Variants in ITFG1 observed in about 807,000 individuals in gnomAD.
ITFG1 encodes the protein T-cell immunomodulatory protein.
In ITFG1, 34 loss-of-function variants were observed where a neutral mutation model predicts 81.8. That is an observed-to-expected ratio of 0.42 (90% CI 0.32 to 0.55). ITFG1 has a LOEUF of 0.55. ITFG1 is among the 20% of genes least tolerant of loss of function. The pLI is 0.17. For synonymous variants in ITFG1, 285 were observed against 270.6 expected, an observed-to-expected ratio of 1.05 and a Z score of -0.52; for missense variants, 672 against 755.4, an observed-to-expected ratio of 0.89 and a Z score of 1.29.
chr16:47,406,568 T>C (rs977054330), intron 6 of ITFG1, among the ~76,000 whole-genome samples: 2 of 152,234 alleles, frequency 1.3e-5, no homozygotes, highest in African/African-American at 2.4e-5. Flanking sequence ...AACAGGTATC[T>C]GTCAAGTCCC....
intron 10 of ITFG1, among the ~76,000 whole-genome samples, chr16:47,261,707 C>G (rs953367838): frequency 1.3e-5 from 2 of 152,186 alleles, no homozygotes; most frequent in African/African-American, 4.8e-5. Context: ...CAGTCTCACT[C>G]TGTCACCCAG....
At chr16:47,337,445 C>T (rs1304808112) in intron 8 of ITFG1, among the ~76,000 whole-genome samples, 1 of 151,746 alleles carries the variant, frequency 6.6e-6, no homozygotes, top group Non-Finnish European at 1.5e-5. Context: ...TGGTGGGAAC[C>T]TATAATCCCA....
chr16:47,214,063 T>C (rs2151525193), intron 14 of ITFG1, among the ~76,000 whole-genome samples: 1 of 152,234 alleles, frequency 6.6e-6, no homozygotes, highest in Non-Finnish European at 1.5e-5. Context: ...GGGATATGAG[T>C]CTGCCTCCAG....
intron 5 of ITFG1, 107 bp from the exon 6 acceptor site, chr16:47,429,005 G>C: frequency 4.5e-6 from 3 of 672,266 alleles, no homozygotes; most frequent in Admixed American, 2.9e-5. Flanking sequence ...TATTTTCATT[G>C]ATATATTCAA....
chr16:47,369,573 T>C (rs981439580), intron 7 of ITFG1, among the ~76,000 whole-genome samples: 7 of 152,218 alleles, frequency 4.6e-5, no homozygotes, highest in Non-Finnish European at 1.0e-4. Flanking sequence ...ATGGTCTGAC[T>C]CTCTCTTTTA....
At chr16:47,380,185 AG>A (rs1968378707) in intron 6 of ITFG1, among the ~76,000 whole-genome samples, 1 of 152,160 alleles carries the variant, frequency 6.6e-6, no homozygotes, top group African/African-American at 2.4e-5. Context: ...TGCTAAGGTT[AG>A]ATCCCTAGGT....
At chr16:47,293,960 C>A (rs1237654340) in intron 10 of ITFG1, among the ~76,000 whole-genome samples, 7 of 151,984 alleles carry the variant, frequency 4.6e-5, no homozygotes, top group African/African-American at 9.7e-5. Context: ...GAAGAGTTTT[C>A]TTTCCAGGAT....
intron 8 of ITFG1, among the ~76,000 whole-genome samples, chr16:47,355,685 C>G (rs1968030343): frequency 6.6e-6 from 1 of 152,010 alleles, no homozygotes; most frequent in Non-Finnish European, 1.5e-5. Context: ...TTACAAAAAC[C>G]TACAAAAAAT....
intron 6 of ITFG1, among the ~76,000 whole-genome samples, chr16:47,409,201 T>C (rs1968767693): frequency 6.7e-6 from 1 of 149,600 alleles, no homozygotes; most frequent in Non-Finnish European, 1.5e-5. Context: ...AGTTTTTGAG[T>C]CTCTCGAGAG....
At chr16:47,370,062 A>C (rs1374957623) in intron 7 of ITFG1, among the ~76,000 whole-genome samples, 1 of 151,734 alleles carries the variant, frequency 6.6e-6, no homozygotes, top group Non-Finnish European at 1.5e-5. Context: ...GGATGGTCTT[A>C]ATCTCCTGAC....
intron 14 of ITFG1, among the ~76,000 whole-genome samples, chr16:47,212,514 C>T (rs1451226632): frequency 1.3e-5 from 2 of 152,222 alleles, no homozygotes; most frequent in East Asian, 1.9e-4. Flanking sequence ...ATCCATCGCA[C>T]TCTACCAGTT....
chr16:47,205,459 C>A (rs1474953899), intron 14 of ITFG1, among the ~76,000 whole-genome samples: 2 of 152,176 alleles, frequency 1.3e-5, no homozygotes, highest in Non-Finnish European at 2.9e-5. Flanking sequence ...CAGTGTATTT[C>A]TGAATCGGGA....
chr16:47,171,643 G>GT (rs1006831216), intron 14 of ITFG1, among the ~76,000 whole-genome samples: 17 of 150,490 alleles, frequency 1.1e-4, no homozygotes, highest in African/African-American at 1.7e-4. Context: ...TGAGATCGTT[G>GT]TTTTTTTTTA....
chr16:47,182,498 G>C (rs1029746249), intron 14 of ITFG1, among the ~76,000 whole-genome samples: 41 of 152,102 alleles, frequency 2.7e-4, no homozygotes, highest in Admixed American at 1.0e-3. Flanking sequence ...TGACCCCCTT[G>C]AGCCTTAGTT....
chr16:47,191,673 T>C (rs572041256), intron 14 of ITFG1, among the ~76,000 whole-genome samples: 2 of 152,150 alleles, frequency 1.3e-5, no homozygotes, highest in Non-Finnish European at 2.9e-5. Context: ...CATACCCAGC[T>C]AATTTTTTTG....
At chr16:47,435,280 A>G (rs1246902272) in intron 5 of ITFG1, among the ~76,000 whole-genome samples, 2 of 152,218 alleles carry the variant, frequency 1.3e-5, no homozygotes, top group African/African-American at 2.4e-5. Context: ...ACTCACATAA[A>G]GTATAATATT....
rs548145602 is a variant in ITFG1, at chr16:47,459,388, G to A, written c.209-213C>T. Among the ~76,000 whole-genome samples the A allele has an allele frequency of 8.5e-5, 13 of 152,292 alleles. No homozygotes were observed. The South Asian group carries it at 2.7e-3, about 32-fold the overall frequency. On this transcript the variant is annotated intron_variant, in intron 1 of 17. Coordinates refer to ENST00000320640, the MANE Select transcript of ITFG1 (RefSeq NM_030790.5). ...GTTCAAAGTAGCAGAGAAATAGAAA[G>A]GATGAACATGGGAAAAAGCAGCTGA...
intron 12 of ITFG1, among the ~76,000 whole-genome samples, chr16:47,245,158 C>A (rs1037398183): frequency 1.3e-5 from 2 of 151,988 alleles, no homozygotes; most frequent in South Asian, 4.2e-4. Flanking sequence ...ACCAGCCTTG[C>A]CAACATGGTG....
intron 6 of ITFG1, among the ~76,000 whole-genome samples, chr16:47,409,680 G>T (rs936253674): frequency 6.6e-6 from 1 of 150,662 alleles, no homozygotes; most frequent in South Asian, 2.1e-4. Flanking sequence ...GCCTCCCAAA[G>T]TTCTGGGATT....
Sources: allele counts gnomAD v4.1 joint callset (sites outside exome capture counted in the v4.1 genomes callset), GRCh38; gene constraint gnomAD v4.1.1; transcripts MANE v1.5; gene names NCBI Gene and HGNC (gene_info 2026-07-23, HGNC 2026-07-21).